SYNE2: variants seen among roughly 807,000 people sequenced by gnomAD.
SYNE2 encodes spectrin repeat containing nuclear envelope protein 2, also known as nesprin-2.
In SYNE2, 431 loss-of-function variants were observed where a neutral mutation model predicts 856.3. That is an observed-to-expected ratio of 0.50 (90% CI 0.47 to 0.55). The LOEUF (loss-of-function observed/expected upper bound fraction) is 0.55, where lower values mean the gene tolerates loss of function less well. Ranked by LOEUF, SYNE2 falls within the 20% of genes least tolerant of loss-of-function variation. SYNE2 has a pLI of 0.00. For missense variants in SYNE2, 8,129 were observed against 8,023.2 expected, an observed-to-expected ratio of 1.01 and a Z score of -0.50; for synonymous variants, 2,923 against 2,872.3, an observed-to-expected ratio of 1.02 and a Z score of -0.56.
intron 35 of SYNE2, 73 bp downstream of exon 35, chr14:64,020,166 C>A: frequency 9.5e-7 from 1 of 1,051,864 alleles, no homozygotes; most frequent in Non-Finnish European, 1.5e-6. Context: ...GCACTCCAGC[C>A]TGGGCGACAG....
In SYNE2 at chr14:64,048,133, A is replaced by G. The variant is rs1236193969; in HGVS notation, c.7355A>G (p.Asn2452Ser). The change falls in exon 46 of 116, where the codon AAT (asparagine) becomes AGT (serine). Residue 2452 changes from asparagine to serine, a missense_variant. Around this residue, in one of 3 missense-constraint regions of SYNE2, gnomAD observed 5,410 missense variants for 5,284.8 expected, o/e 1.02. Coordinates refer to ENST00000555002, the MANE Select transcript of SYNE2 (RefSeq NM_182914.3). ...TTAGAATTAGATACTATGTTAAGAAATGAACAATTAGAAGAGATAGAGGTA... is the reference window on the plus strand; with the variant it reads ...TTAGAATTAGATACTATGTTAAGAAGTGAACAATTAGAAGAGATAGAGGTA... ...QPLELDTMLRNEQLEEIEKLY... is the reference protein window; with the variant it reads ...QPLELDTMLRSEQLEEIEKLY... The G allele has an allele frequency of 1.2e-6, 2 of 1,613,498 alleles. No homozygotes were observed.
intron 84 of SYNE2, among the ~76,000 whole-genome samples, chr14:64,152,191 A>G (rs2098249826): frequency 6.6e-6 from 1 of 152,188 alleles, no homozygotes; most frequent in African/African-American, 2.4e-5. Flanking sequence ...TTGAGTTCTT[A>G]GCTTGGCACA....
In SYNE2 at chr14:64,190,059, T is replaced by G; in HGVS notation, c.17872-12T>G. On this transcript the variant is annotated splice_polypyrimidine_tract_variant and intron_variant, in intron 98 of 115. Transcript: ENST00000555002. ...TAATTAGCCAGGCTTTATGTTTTGG[T>G]GCCTTTGCCAGGACTGCATGGAAGA... 6.2e-7 allele frequency: 1 copy of G among 1,613,762 alleles called. No homozygotes were observed. The highest frequency in any genetic ancestry group is 8.5e-7 in the Non-Finnish European group (1 of 1,179,914).
chr14:64,200,456 G>T (rs1306258515), intron 99 of SYNE2, among the ~76,000 whole-genome samples: 2 of 152,186 alleles, frequency 1.3e-5, no homozygotes, highest in African/African-American at 4.8e-5. Context: ...AGTGCCAGGG[G>T]TTCTCAGCTA....
At chr14:64,023,183 T>C (rs559286886) in intron 38 of SYNE2, 1 of 320,056 alleles carries the variant, frequency 3.1e-6, no homozygotes, top group African/African-American at 2.2e-5. Flanking sequence ...GAAGGTGTAG[T>C]GAGCTGAGAT....
At chr14:63,902,834 C>G (rs1056265523) in intron 1 of SYNE2, among the ~76,000 whole-genome samples, 33 of 152,056 alleles carry the variant, frequency 2.2e-4, no homozygotes, top group African/African-American at 8.0e-4. Flanking sequence ...GCTAGGACTA[C>G]AGGTGTATGC....
intron 1 of SYNE2, among the ~76,000 whole-genome samples, chr14:63,898,366 G>A (rs1291438499): frequency 6.6e-6 from 1 of 151,930 alleles, no homozygotes; most frequent in Non-Finnish European, 1.5e-5. Context: ...CTATTTTGTT[G>A]GCATACTTTC....
At chr14:63,897,434 T>C (rs988008368) in intron 1 of SYNE2, among the ~76,000 whole-genome samples, 2 of 152,198 alleles carry the variant, frequency 1.3e-5, no homozygotes, top group African/African-American at 2.4e-5. Context: ...TCAGCGACAG[T>C]TTATCTGTTT....
At chr14:64,149,165 C>T (rs576295805) in intron 84 of SYNE2, among the ~76,000 whole-genome samples, 32 of 151,514 alleles carry the variant, frequency 2.1e-4, no homozygotes, top group Non-Finnish European at 4.3e-4. Flanking sequence ...GTTATCTGGG[C>T]ATAGTGTTGC....
chr14:63,865,722 C>CT lies in SYNE2; in HGVS notation c.-52+12579_-52+12580insT, dbSNP rs1486940870. ...AGCAAAACTCTGTACCCACCCCCCC[C>CT]CCAAAAAAAAAGAAAAGAAAAAAGA... On this transcript the variant is annotated intron_variant, in intron 1 of 115. Coordinates refer to ENST00000555002, the MANE Select transcript of SYNE2 (RefSeq NM_182914.3). Among the ~76,000 whole-genome samples the CT allele has an allele frequency of 7.2e-3, 810 of 112,266 alleles. 28 individuals carry two copies. Among genetic ancestry groups the CT allele is most frequent in the African/African-American group, 0.027 (767 of 27,922 alleles). 73.7% of individuals were successfully genotyped at this position (112,266 alleles called of 152,430 possible).
chr14:63,997,103 G>T lies in SYNE2; in HGVS notation c.3097G>T (p.Ala1033Ser). 1 of 1,614,088 alleles carries T rather than the reference G, an allele frequency of 6.2e-7. No homozygotes were observed. ...AAAGATAGAAAGACTTCTGAAATGT[G>T]CTTCCGAGATTCATATGACACTGCA... ...EQKIERLLKC[A>S]SEIHMTLQPT... is the part of the protein sequence containing the mutation. Residue 1033 changes from alanine to serine, a missense_variant, in exon 24 of 116, where the codon GCT becomes TCT. Coordinates refer to ENST00000555002, the MANE Select transcript of SYNE2 (RefSeq NM_182914.3).
chr14:63,795,465 C>T (rs1475635796), intron 1 of SYNE2, among the ~76,000 whole-genome samples: 2 of 151,972 alleles, frequency 1.3e-5, no homozygotes, highest in African/African-American at 4.8e-5. Context: ...ACCTTGTGGT[C>T]GTGTGAGTTA....
At chr14:63,939,158 G>C (rs1462396868) in intron 2 of SYNE2, among the ~76,000 whole-genome samples, 1 of 152,110 alleles carries the variant, frequency 6.6e-6, no homozygotes, top group South Asian at 2.1e-4. Flanking sequence ...TGGGGAGATG[G>C]AAGCTCAGTT....
At chr14:64,198,540 G>A (rs1260791284) in intron 99 of SYNE2, among the ~76,000 whole-genome samples, 1 of 152,198 alleles carries the variant, frequency 6.6e-6, no homozygotes, top group African/African-American at 2.4e-5. Flanking sequence ...GCATTTGGAG[G>A]TATTAGGCCT....
In SYNE2 at chr14:64,119,519, G is replaced by C; in HGVS notation, c.12933G>C (p.Glu4311Asp). ...GAGATAATGGAGCCACTCAACATGA[G>C]GCTGAAGCGCTTTCCCTGAAACTGA... ...GLGDNGATQH[E>D]AEALSLKLKT... The change falls in exon 67 of 116, where the codon GAG becomes GAC. Residue 4311 changes from glutamate to aspartate, a missense_variant. By Grantham distance (45) the Glu-to-Asp change is conservative. Coordinates refer to ENST00000555002, the MANE Select transcript of SYNE2 (RefSeq NM_182914.3). The C allele has an allele frequency of 6.2e-7, 1 of 1,614,202 alleles. No individual in the cohort carries two copies. Among genetic ancestry groups the C allele is most frequent in the African/African-American group, 1.3e-5 (1 of 75,058 alleles).
chr14:64,020,621 T>G (rs545224848), intron 35 of SYNE2, among the ~76,000 whole-genome samples: 2 of 152,360 alleles, frequency 1.3e-5, no homozygotes, highest in African/African-American at 4.8e-5. Context: ...AAATGTTGCC[T>G]GTGCATCTGT....
At chr14:64,097,318 G>A (rs899391406) in intron 61 of SYNE2, among the ~76,000 whole-genome samples, 6 of 151,214 alleles carry the variant, frequency 4.0e-5, no homozygotes, top group African/African-American at 1.2e-4. Flanking sequence ...AAATGATTGA[G>A]CAGGATAGAC....
At chr14:64,218,616 G>C (rs1469198056) in intron 109 of SYNE2, 104 bp downstream of exon 109, 1 of 1,109,604 alleles carries the variant, frequency 9.0e-7, no homozygotes, top group Non-Finnish European at 1.3e-6. Flanking sequence ...CGATTCGCCA[G>C]AACTGGGGGA....
chr14:64,158,784 G>A lies in SYNE2; in HGVS notation c.15952G>A (p.Glu5318Lys). 1 of 1,613,868 alleles carries A rather than the reference G, an allele frequency of 6.2e-7. No individual in the cohort carries two copies. Among genetic ancestry groups the A allele is most frequent in the Non-Finnish European group, 8.5e-7 (1 of 1,179,854 alleles). The change falls in exon 86 of 116, where the codon GAG (glutamate) becomes AAG (lysine). Residue 5318 changes from glutamate to lysine, a missense_variant. Coordinates refer to ENST00000555002, the MANE Select transcript of SYNE2 (RefSeq NM_182914.3). ...ATTGGAGACCTTGAGATGCCAGGTG[G>A]AGAACCTTCAGGTAAATTAACCAGA... Reference protein sequence around the residue: ...LSLETLRCQVENLQSLQDEAE... With the variant: ...LSLETLRCQVKNLQSLQDEAE...
Sources: gnomAD v4.1 joint callset for allele counts (sites outside exome capture counted in the v4.1 genomes callset) on GRCh38, gnomAD v4.1.1 for gene constraint, gnomAD v4.1.1 regional missense constraint, MANE v1.5 for transcripts, NCBI Gene and HGNC (gene_info 2026-07-23, HGNC 2026-07-21) for gene names.